The following ROBO1 variants were observed in gnomAD, a reference collection of about 807,000 sequenced individuals.
ROBO1 encodes the protein roundabout guidance receptor 1, also known as roundabout homolog 1.
Under a neutral mutation model 195.9 loss-of-function variants are expected in ROBO1, and 149 were observed. That is an observed-to-expected ratio of 0.76 (90% CI 0.67 to 0.87). The LOEUF is 0.87. ROBO1 is among the 40% of genes least tolerant of loss of function. The pLI is 0.00. For synonymous variants in ROBO1, 816 were observed against 733.2 expected (o/e 1.11, Z -1.82); for missense variants, 1,933 against 2,068.3 (o/e 0.93, Z 1.27).
At chr3:78,696,524 T>G (rs2081293411) in intron 8 of ROBO1, among the ~76,000 whole-genome samples, 2 of 151,936 alleles carry the variant, frequency 1.3e-5, no homozygotes, top group African/African-American at 2.4e-5. Context: ...GGCTAATCAA[T>G]TAGTGGTGAA....
intron 2 of ROBO1, among the ~76,000 whole-genome samples, chr3:79,242,562 C>G (rs1314502835): frequency 6.6e-6 from 1 of 152,144 alleles, no homozygotes; most frequent in Non-Finnish European, 1.5e-5. Flanking sequence ...AAGCCATGGA[C>G]ATGGTGCTGT....
chr3:79,719,374 C>G (rs1175135116), intron 1 of ROBO1, among the ~76,000 whole-genome samples: 1 of 152,038 alleles, frequency 6.6e-6, no homozygotes, highest in Non-Finnish European at 1.5e-5. Flanking sequence ...ATTATTAAAT[C>G]TCTCTGAACC....
At chr3:79,604,662 A>T (rs1308912936) in intron 1 of ROBO1, among the ~76,000 whole-genome samples, 3 of 152,002 alleles carry the variant, frequency 2.0e-5, no homozygotes, top group African/African-American at 7.2e-5. Flanking sequence ...TCAGTACTAA[A>T]TATAAGTTAT....
chr3:78,967,570 C>G (rs1222560495), intron 3 of ROBO1, among the ~76,000 whole-genome samples: 1 of 152,116 alleles, frequency 6.6e-6, no homozygotes, highest in Non-Finnish European at 1.5e-5. Context: ...AGGAGACATA[C>G]AGCATTAGAT....
chr3:79,374,601 T>C (rs1181551189), intron 2 of ROBO1, among the ~76,000 whole-genome samples: 1 of 152,192 alleles, frequency 6.6e-6, no homozygotes, highest in Non-Finnish European at 1.5e-5. Flanking sequence ...GATATGTGCA[T>C]ATTTTAAATA....
intron 4 of ROBO1, among the ~76,000 whole-genome samples, chr3:78,860,458 C>T (rs916526680): frequency 6.6e-6 from 1 of 151,244 alleles, no homozygotes; most frequent in Admixed American, 6.6e-5. Flanking sequence ...TCAGAGGAAA[C>T]ATGGATTTTT....
intron 2 of ROBO1, among the ~76,000 whole-genome samples, chr3:79,273,282 CA>C (rs1255897729): frequency 6.6e-6 from 1 of 151,786 alleles, no homozygotes; most frequent in Admixed American, 6.6e-5. Context: ...ATGAACATAT[CA>C]AAAACAATAA....
intron 3 of ROBO1, among the ~76,000 whole-genome samples, chr3:78,976,350 T>C (rs2076884768): frequency 6.6e-6 from 1 of 152,148 alleles, no homozygotes; most frequent in African/African-American, 2.4e-5. Context: ...TGTAGTTTCA[T>C]TAGTACTGTT....
rs1348233618 is a variant in ROBO1 at position 78,668,126 on chromosome 3, C to T, written c.1799+8G>A. On this transcript the variant is annotated splice_region_variant and intron_variant, in intron 13 of 30. Transcript: ENST00000464233. Reference sequence around the variant, plus strand: ...AAGAACAACTAGGAAGCATCTCCTTCACTCTACCTGAAGGCTTCTATAATA... The same window carrying T: ...AAGAACAACTAGGAAGCATCTCCTTTACTCTACCTGAAGGCTTCTATAATA... The T allele has an allele frequency of 1.2e-6, 2 of 1,612,796 alleles. No homozygotes were observed. Among genetic ancestry groups the T allele is most frequent in the Non-Finnish European group, 1.7e-6 (2 of 1,179,334 alleles).
chr3:79,096,867 A>G (rs1037853342), intron 3 of ROBO1, among the ~76,000 whole-genome samples: 1 of 151,616 alleles, frequency 6.6e-6, no homozygotes, highest in African/African-American at 2.4e-5. Flanking sequence ...ACCACTCAAT[A>G]AAAGGATTGA....
chr3:78,864,282 G>A (rs1299624436), intron 4 of ROBO1, among the ~76,000 whole-genome samples: 1 of 152,040 alleles, frequency 6.6e-6, no homozygotes, highest in African/African-American at 2.4e-5. Flanking sequence ...AATAATTCTG[G>A]CATCCACAAT....
chr3:79,072,707 T>C (rs2079109512), intron 3 of ROBO1, among the ~76,000 whole-genome samples: 2 of 152,028 alleles, frequency 1.3e-5, no homozygotes, highest in Non-Finnish European at 2.9e-5. Flanking sequence ...TGTATCCATT[T>C]GTAATCAGTT....
At chr3:79,687,412 A>T (rs1438660587) in intron 1 of ROBO1, among the ~76,000 whole-genome samples, 4 of 152,222 alleles carry the variant, frequency 2.6e-5, no homozygotes, top group Non-Finnish European at 5.9e-5. Context: ...ACAGCAAAAG[A>T]AACTACTATC....
intron 1 of ROBO1, among the ~76,000 whole-genome samples, chr3:79,609,442 G>C (rs1944588151): frequency 6.6e-6 from 1 of 151,796 alleles, no homozygotes; most frequent in African/African-American, 2.4e-5. Flanking sequence ...AAACAGTATG[G>C]CAAATTCCTT....
At chr3:79,661,095 A>G (rs1946314519) in intron 1 of ROBO1, among the ~76,000 whole-genome samples, 1 of 152,090 alleles carries the variant, frequency 6.6e-6, no homozygotes, top group African/African-American at 2.4e-5. Context: ...TGTTGTGCTC[A>G]CTACCCATAC....
chr3:79,721,151 T>C (rs1702684292), intron 1 of ROBO1, among the ~76,000 whole-genome samples: 1 of 152,168 alleles, frequency 6.6e-6, no homozygotes, highest in South Asian at 2.1e-4. Flanking sequence ...TGTTCCCCCT[T>C]ATCCAAATTC....
intron 3 of ROBO1, among the ~76,000 whole-genome samples, chr3:78,975,228 A>G (rs2076859446): frequency 6.6e-6 from 1 of 152,146 alleles, no homozygotes; most frequent in Non-Finnish European, 1.5e-5. Context: ...AATATCTTCC[A>G]CACCAGCTCT....
At chr3:78,770,829 C>A (rs1002339720) in intron 4 of ROBO1, among the ~76,000 whole-genome samples, 4 of 152,060 alleles carry the variant, frequency 2.6e-5, no homozygotes, top group Non-Finnish European at 5.9e-5. Flanking sequence ...ACTTATGAGG[C>A]CAAGGCTGGA....
At chr3:79,422,373 C>G (rs1449736381) in intron 2 of ROBO1, among the ~76,000 whole-genome samples, 2 of 151,932 alleles carry the variant, frequency 1.3e-5, no homozygotes, top group Non-Finnish European at 2.9e-5. Context: ...TTCTTACTAA[C>G]CCTAGATTTC....
Sources: gnomAD v4.1 joint callset for allele counts (sites outside exome capture counted in the v4.1 genomes callset) on GRCh38, gnomAD v4.1.1 for gene constraint, MANE v1.5 for transcripts, NCBI Gene and HGNC (gene_info 2026-07-23, HGNC 2026-07-21) for gene names.